MFSD11: variants seen among roughly 807,000 people sequenced by gnomAD.
MFSD11 encodes the protein major facilitator superfamily domain containing 11.
A neutral mutation model predicts 53.5 loss-of-function variants in MFSD11; 36 were observed. That is an observed-to-expected ratio of 0.67 (90% confidence interval 0.52 to 0.89). The LOEUF (loss-of-function observed/expected upper bound fraction) is 0.89. Among genes scored for constraint, MFSD11 ranks in the 40% least tolerant of loss-of-function variants. The pLI, the probability that MFSD11 is intolerant of heterozygous loss-of-function variation, is 0.00. For synonymous variants in MFSD11, 186 were observed against 184.9 expected (o/e 1.01, Z -0.05); for missense variants, 530 against 543.9 (o/e 0.97, Z 0.25).
intron 2 of MFSD11, among the ~76,000 whole-genome samples, chr17:76,740,362 G>A (rs1007633066): frequency 7.2e-5 from 11 of 152,142 alleles, no homozygotes; most frequent in African/African-American, 2.7e-4. Flanking sequence ...TAGTAACTGA[G>A]TAATAATGTT....
the MFSD11 span, among the ~76,000 whole-genome samples, chr17:76,791,597 A>T: frequency 2.0e-5 from 3 of 148,568 alleles, 1 homozygote; most frequent in Admixed American, 1.3e-4. Flanking sequence ...TGCTGAATCC[A>T]TGTGCCGTGG....
chr17:76,757,145 T>G (rs1019696803), intron 8 of MFSD11, among the ~76,000 whole-genome samples: 9 of 152,176 alleles, frequency 5.9e-5, no homozygotes, highest in African/African-American at 2.2e-4. Context: ...CCTCTGGCTG[T>G]CTGTTAATGT....
chr17:76,754,883 T>C (rs1466482981), intron 8 of MFSD11, among the ~76,000 whole-genome samples: 2 of 152,104 alleles, frequency 1.3e-5, no homozygotes, highest in Non-Finnish European at 2.9e-5. Flanking sequence ...CCTATCATTG[T>C]CTCAGTTTAA....
At chr17:76,771,213 G>T (rs2081350475) in intron 10 of MFSD11, among the ~76,000 whole-genome samples, 2 of 152,194 alleles carry the variant, frequency 1.3e-5, no homozygotes, top group African/African-American at 4.8e-5. Flanking sequence ...CTCCCCAAGG[G>T]TTGCCCCCTT....
At chr17:76,753,700 A>AAAAAGAAAG in intron 7 of MFSD11, among the ~76,000 whole-genome samples, 1 of 150,426 alleles carries the variant, frequency 6.6e-6, no homozygotes, top group East Asian at 1.9e-4. Context: ...AAAAAAAAAA[A>AAAAAGAAAG]AAAGAAAGAA....
intron 8 of MFSD11, among the ~76,000 whole-genome samples, chr17:76,758,752 G>A (rs925827199): frequency 6.6e-6 from 1 of 151,944 alleles, no homozygotes; most frequent in Non-Finnish European, 1.5e-5. Flanking sequence ...TAGAAAAGAG[G>A]CATTTTACAA....
In MFSD11 at chr17:76,776,592, G is replaced by T. The variant is rs1051539394; in HGVS notation, c.1185+51G>T. The T allele has an allele frequency of 1.3e-6, 2 of 1,531,670 alleles. No homozygotes were observed. Among genetic ancestry groups the T allele is most frequent in the Non-Finnish European group, 1.8e-6 (2 of 1,136,834 alleles). 94.9% of individuals were successfully genotyped at this position (1,531,670 alleles called of 1,614,324 possible). A position where few individuals can be genotyped will look rare whatever the true frequency, so the allele number is the denominator to read the frequency against. On this transcript the variant is annotated intron_variant, in intron 12 of 12. Transcript: ENST00000685175. The surrounding 1 kb of genome is among the most constrained non-coding windows in gnomAD (Gnocchi z 4.2). ...TTTGACATAGGGCTCTTCCCTTTGT[G>T]TATTGCCTTGTTTTCCTTGGTTACT...
At chr17:76,759,983 GGA>G (rs753038008) in intron 8 of MFSD11, among the ~76,000 whole-genome samples, 45 of 151,694 alleles carry the variant, frequency 3.0e-4, no homozygotes, top group Non-Finnish European at 5.6e-4. Context: ...AAAATCGTAA[GGA>G]GACTGGGCCT....
chr17:76,739,884 C>T (rs62086785), intron 2 of MFSD11, among the ~76,000 whole-genome samples: 44 of 152,130 alleles, frequency 2.9e-4, no homozygotes, highest in Middle Eastern at 6.8e-3. Flanking sequence ...AGAACAAATG[C>T]GGCCGGGTGC....
the MFSD11 span, among the ~76,000 whole-genome samples, chr17:76,795,061 G>C: frequency 2.0e-5 from 3 of 151,928 alleles, no homozygotes; most frequent in Non-Finnish European, 2.9e-5. Context: ...AACAACCATG[G>C]ATCGAAAATA....
chr17:76,756,855 A>G (rs555034494), intron 8 of MFSD11, among the ~76,000 whole-genome samples: 27 of 150,244 alleles, frequency 1.8e-4, no homozygotes, highest in Admixed American at 8.0e-4. Context: ...GTGAGACTCC[A>G]TCTCAGAAAA....
intron 9 of MFSD11, 39 bp downstream of exon 9, chr17:76,767,490 A>C (rs763260447): frequency 7.6e-7 from 1 of 1,315,230 alleles, no homozygotes; most frequent in Non-Finnish European, 1.1e-6. Flanking sequence ...TTGCTGCATA[A>C]TGACAATAAG....
Position 76,738,308 on chromosome 17 carries a change from G to C in MFSD11, c.-45G>C. On this transcript the variant is annotated 5_prime_UTR_variant, in exon 1 of 13. Transcript: ENST00000685175. ...ATTGTCAGTGGCTTCGCCCCGAGGA[G>C]AGCTGACTGCCCTGGGCTGCTGCCT... 3.0e-6 allele frequency: 4 copies of C among 1,327,824 alleles called. No individual in the cohort carries two copies. Among genetic ancestry groups the C allele is most frequent in the Non-Finnish European group, 4.3e-6 (4 of 923,724 alleles). 82.3% of individuals were successfully genotyped at this position (1,327,824 alleles called of 1,614,324 possible). A position where few individuals can be genotyped will look rare whatever the true frequency, so the allele number is the denominator to read the frequency against.
intron 7 of MFSD11, among the ~76,000 whole-genome samples, chr17:76,747,366 A>G (rs2144266416): frequency 6.9e-6 from 1 of 143,914 alleles, no homozygotes; most frequent in South Asian, 2.2e-4. Context: ...ATGGAGTCTC[A>G]CTTTTTCACC....
At chr17:76,742,140 T>C in intron 4 of MFSD11, 37 bp from the exon 5 acceptor site, 2 of 1,613,318 alleles carry the variant, frequency 1.2e-6, no homozygotes, top group Non-Finnish European at 1.7e-6. Context: ...TCTAAGTGAA[T>C]TTCTTTCCCT....
Position 76,738,251 on chromosome 17 carries a change from TCTC to T in MFSD11, c.-100_-98del, listed in dbSNP as rs752180702. 2 of 752,360 alleles carry T rather than the reference TCTC, an allele frequency of 2.7e-6. No homozygotes were observed. The highest frequency in any genetic ancestry group is 5.0e-5 in the East Asian group (2 of 39,662). 46.6% of individuals were successfully genotyped at this position (752,360 alleles called of 1,614,324 possible). On this transcript the variant is annotated 5_prime_UTR_variant, in exon 1 of 13. Transcript: ENST00000685175. ...GGCTGCCTGGCTCCTGCATCTGCCT[TCTC>T]CACTCACCATCTCATTTCTTTCTCC...
At chr17:76,744,849 G>C (rs2078401058) in intron 7 of MFSD11, among the ~76,000 whole-genome samples, 1 of 152,204 alleles carries the variant, frequency 6.6e-6, no homozygotes, top group African/African-American at 2.4e-5. Context: ...CAGCTCTAAA[G>C]CTTTCCTGTT....
At chr17:76,792,124 C>CT in the MFSD11 span, among the ~76,000 whole-genome samples, 44,295 of 141,382 alleles carry the variant, frequency 0.31, 9,716 homozygotes, top group African/African-American at 0.52. Flanking sequence ...ACCAGGCACC[C>CT]TTTTTTTTTT....
At chr17:76,741,197 G>C (rs369173613) in intron 3 of MFSD11, 133 bp downstream of exon 3, 1 of 636,848 alleles carries the variant, frequency 1.6e-6, no homozygotes, top group African/African-American at 1.8e-5. Flanking sequence ...TTTTGGCTCA[G>C]TACTTGTTGC....
Sources: allele counts gnomAD v4.1 joint callset (sites outside exome capture counted in the v4.1 genomes callset), GRCh38; gene constraint gnomAD v4.1.1; non-coding constraint Gnocchi (gnomAD v3.1); transcripts MANE v1.5; gene names NCBI Gene and HGNC (gene_info 2026-07-23, HGNC 2026-07-21).